The following STK32A variants were observed in gnomAD, a reference collection of about 807,000 sequenced individuals.
STK32A encodes the protein serine/threonine-protein kinase 32A.
Under a neutral mutation model 53.2 loss-of-function variants are expected in STK32A, and 41 were observed. The ratio of observed to expected loss-of-function variants is 0.77; its 90% CI spans 0.60 to 1.00. STK32A has a LOEUF of 1.00. Ranked by LOEUF, STK32A falls within the 50% of genes least tolerant of loss-of-function variation. STK32A has a pLI of 0.00. For synonymous variants in STK32A, 166 were observed against 162.8 expected, an observed-to-expected ratio of 1.02 and a Z score of -0.15; for missense variants, 458 against 485.8, an observed-to-expected ratio of 0.94 and a Z score of 0.54.
At chr5:147,323,299 T>C (rs1241696102) in intron 4 of STK32A, among the ~76,000 whole-genome samples, 1 of 152,226 alleles carries the variant, frequency 6.6e-6, no homozygotes, top group East Asian at 1.9e-4. Context: ...AAAATTGAGC[T>C]CTGGTTTTAC....
intron 2 of STK32A, among the ~76,000 whole-genome samples, chr5:147,254,753 A>C (rs767460766): frequency 3.9e-5 from 6 of 152,224 alleles, no homozygotes; most frequent in Non-Finnish European, 8.8e-5. Flanking sequence ...AGCAGATAGC[A>C]GGTAATCGGA....
At chr5:147,256,776 T>A (rs1354102429) in intron 2 of STK32A, among the ~76,000 whole-genome samples, 3 of 152,102 alleles carry the variant, frequency 2.0e-5, no homozygotes. Flanking sequence ...CCTCCCAAAG[T>A]GCTGGGATTA....
Position 147,384,375 on chromosome 5 carries a change from TGACAAATG to T in STK32A, c.*405_*412del, listed in dbSNP as rs2152009554. The T allele has an allele frequency of 2.0e-6, 3 of 1,528,560 alleles. No homozygotes were observed. The highest frequency in any genetic ancestry group is 4.9e-5 in the East Asian group (2 of 40,754). The allele number at this position is 1,528,560 out of a possible 1,614,324, so 94.7% of individuals were successfully genotyped here. On this transcript the variant is annotated 3_prime_UTR_variant, in exon 13 of 13. Coordinates refer to ENST00000397936, the MANE Select transcript of STK32A (RefSeq NM_001112724.2). ...TTTTCCACTCCTTCTAATTATGCAG[TGACAAATG>T]GACAAATGGACACAGGACTCAGTGA...
chr5:147,377,116 A>G lies in STK32A; in HGVS notation c.1032+1898A>G, dbSNP rs938599832. On this transcript the variant is annotated intron_variant, in intron 11 of 12. Coordinates refer to ENST00000397936, the MANE Select transcript of STK32A (RefSeq NM_001112724.2). ...TCTGAGCACTGCCTTCACCTATCCCATAAGTTTTGGGATGCTGTGGTTTGT... is the reference window on the plus strand; with the variant it reads ...TCTGAGCACTGCCTTCACCTATCCCGTAAGTTTTGGGATGCTGTGGTTTGT... Among the ~76,000 whole-genome samples the G allele has an allele frequency of 1.2e-4, 18 of 152,204 alleles. No homozygotes were observed. In the South Asian group the frequency reaches 2.9e-3, roughly 25 times the overall value.
chr5:147,308,286 T>C (rs1193466352), intron 4 of STK32A, among the ~76,000 whole-genome samples: 1 of 152,106 alleles, frequency 6.6e-6, no homozygotes, highest in Non-Finnish European at 1.5e-5. Context: ...TTTAGACTGA[T>C]GACTAGGTAT....
Position 147,384,713 on chromosome 5 carries a change from C to A in STK32A, c.*730C>A. The A allele has an allele frequency of 5.6e-6, 2 of 354,738 alleles. 1 individual carries two copies. The highest frequency in any genetic ancestry group is 1.0e-5 in the Non-Finnish European group (2 of 197,442). 22.0% of individuals were successfully genotyped at this position (354,738 alleles called of 1,614,324 possible). On this transcript the variant is annotated 3_prime_UTR_variant, in exon 13 of 13. Coordinates refer to ENST00000397936, the MANE Select transcript of STK32A (RefSeq NM_001112724.2). ...TAAATGCTCGTTTTTTCCCTCCTAA[C>A]AAGTGAATTGCTAAATATTAGCCCA...
chr5:147,372,849 A>C (rs573074123), intron 9 of STK32A, among the ~76,000 whole-genome samples: 1 of 152,308 alleles, frequency 6.6e-6, no homozygotes, highest in African/African-American at 2.4e-5. Flanking sequence ...ATCGTATGAA[A>C]TACATTATTA....
intron 4 of STK32A, among the ~76,000 whole-genome samples, chr5:147,283,919 C>T (rs1007772842): frequency 6.6e-6 from 1 of 151,888 alleles, no homozygotes; most frequent in Non-Finnish European, 1.5e-5. Flanking sequence ...CTAATTCATC[C>T]TATGAAGCCA....
intron 4 of STK32A, among the ~76,000 whole-genome samples, chr5:147,302,001 T>C (rs1753163436): frequency 6.6e-6 from 1 of 152,176 alleles, no homozygotes; most frequent in African/African-American, 2.4e-5. Flanking sequence ...TGTGATTACA[T>C]TGGGCCTACT....
chr5:147,269,002 G>C (rs374914195), intron 2 of STK32A, among the ~76,000 whole-genome samples: 3 of 152,208 alleles, frequency 2.0e-5, no homozygotes, highest in African/African-American at 7.2e-5. Flanking sequence ...GTAAAGAACA[G>C]TGTTGGAGGG....
intron 3 of STK32A, among the ~76,000 whole-genome samples, chr5:147,278,803 A>G (rs1330149955): frequency 1.3e-5 from 2 of 152,190 alleles, no homozygotes; most frequent in Non-Finnish European, 2.9e-5. Context: ...TGGACATCAT[A>G]TTTAGTGTTT....
chr5:147,239,893 T>A, intron 2 of STK32A: 1 of 557,940 alleles, frequency 1.8e-6, no homozygotes. Context: ...GCTTTCCTAA[T>A]CTCCACTATA....
chr5:147,383,866 CT>C (rs746149005), intron 12 of STK32A, 23 bp from the exon 13 acceptor site: 152 of 1,416,310 alleles, frequency 1.1e-4, no homozygotes, highest in Admixed American at 2.4e-4. Flanking sequence ...AATAAAACAT[CT>C]TTTTTTTTCT....
chr5:147,264,592 T>C (rs531928883), intron 2 of STK32A, among the ~76,000 whole-genome samples: 5 of 152,294 alleles, frequency 3.3e-5, no homozygotes, highest in Admixed American at 6.5e-5. Flanking sequence ...ATAATGGAAA[T>C]ACCGAATATT....
At chr5:147,399,133 G>A in the STK32A span, 69 of 1,614,098 alleles carry the variant, frequency 4.3e-5, no homozygotes, top group Admixed American at 3.3e-4. Flanking sequence ...GATCCCAGAT[G>A]ACGAGGTCGC....
At chr5:147,315,970 G>A (rs770693310) in intron 4 of STK32A, among the ~76,000 whole-genome samples, 7 of 152,178 alleles carry the variant, frequency 4.6e-5, no homozygotes, top group Non-Finnish European at 5.9e-5. Flanking sequence ...CCAGTTTGTG[G>A]CATAACCACA....
intron 2 of STK32A, among the ~76,000 whole-genome samples, chr5:147,266,883 C>T (rs1561680403): frequency 6.6e-6 from 1 of 151,954 alleles, no homozygotes; most frequent in African/African-American, 2.4e-5. Context: ...ATTAGCCAGG[C>T]ATGGTGGTGC....
At chr5:147,324,499 C>A (rs1382478735) in intron 5 of STK32A, among the ~76,000 whole-genome samples, 3 of 152,102 alleles carry the variant, frequency 2.0e-5, no homozygotes, top group Admixed American at 6.6e-5. Context: ...TTAAATTAAT[C>A]CCTAATGTAT....
At chr5:147,374,711 C>T (rs933554503) in intron 10 of STK32A, among the ~76,000 whole-genome samples, 2 of 152,102 alleles carry the variant, frequency 1.3e-5, no homozygotes, top group Non-Finnish European at 2.9e-5. Flanking sequence ...TCTTGGACCT[C>T]ACATTCTGAA....
Sources: gnomAD v4.1 joint callset for allele counts (sites outside exome capture counted in the v4.1 genomes callset) on GRCh38, gnomAD v4.1.1 for gene constraint, MANE v1.5 for transcripts, NCBI Gene and HGNC (gene_info 2026-07-23, HGNC 2026-07-21) for gene names.